STX7: variants seen among roughly 807,000 people sequenced by gnomAD.
STX7 encodes the protein syntaxin-7.
In STX7, 34 loss-of-function variants were observed where a neutral mutation model predicts 39.6. The observed-to-expected ratio is 0.86, with a 90% CI of 0.65 to 1.14. The LOEUF is 1.14. Among genes scored for constraint, STX7 ranks in the 50% most tolerant of loss-of-function variants. STX7 has a pLI of 0.00. For missense variants in STX7, 284 were observed against 310.4 expected (o/e 0.92, Z 0.64); for synonymous variants, 119 against 99.1 (o/e 1.20, Z -1.19).
intron 2 of STX7, among the ~76,000 whole-genome samples, chr6:132,488,936 T>A (rs942746942): frequency 6.6e-6 from 1 of 152,166 alleles, no homozygotes; most frequent in Non-Finnish European, 1.5e-5. Flanking sequence ...GCGCAGTGGC[T>A]CGTGCCTGTA....
At chr6:132,469,240 T>C (rs1365064777) in intron 7 of STX7, among the ~76,000 whole-genome samples, 2 of 152,128 alleles carry the variant, frequency 1.3e-5, no homozygotes, top group African/African-American at 2.4e-5. Flanking sequence ...ATAAACATAG[T>C]AAAGAGAAAT....
Position 132,470,573 on chromosome 6 carries a change from C to A in STX7, c.440+1G>T, listed in dbSNP as rs1469931483. 1 of 1,602,600 alleles carries A rather than the reference C, an allele frequency of 6.2e-7. No homozygotes were observed. Among genetic ancestry groups the A allele is most frequent in the South Asian group, 1.1e-5 (1 of 89,734 alleles). The stretch of plus-strand genomic sequence containing the variant: ...TCTGTAAAATGTTTTGTATTTCTTA[C>A]CTTTCCCAGGATACAAGATTCCTTT... On this transcript the variant is annotated splice_donor_variant, in intron 6 of 9. Transcript: ENST00000367941. LOFTEE classifies it high-confidence loss of function.
At chr6:132,468,327 T>C in intron 8 of STX7, 76 bp downstream of exon 8, 1 of 1,162,338 alleles carries the variant, frequency 8.6e-7, no homozygotes, top group African/African-American at 1.5e-5. Context: ...GTGGTTACTC[T>C]TCTGTGAGAA....
chr6:132,493,748 G>A (rs143676051), intron 2 of STX7, among the ~76,000 whole-genome samples: 1 of 152,238 alleles, frequency 6.6e-6, no homozygotes, highest in African/African-American at 2.4e-5. Flanking sequence ...AACAAAAAGG[G>A]ATCAAAGAGA....
rs368174580 is a variant in STX7, at chr6:132,462,055, T to C, written c.694-1205A>G. On this transcript the variant is annotated intron_variant, in intron 9 of 9. Coordinates refer to ENST00000367941, the MANE Select transcript of STX7 (RefSeq NM_003569.3). Reference sequence around the variant, plus strand: ...CAATTTCTCTAAAATTTCAATACCATGCATAAATATTTTTCCCAGACTCCA... The same window carrying C: ...CAATTTCTCTAAAATTTCAATACCACGCATAAATATTTTTCCCAGACTCCA... Among the ~76,000 whole-genome samples, 11 of 152,324 alleles carry C rather than the reference T, an allele frequency of 7.2e-5. No homozygotes were observed. The East Asian group carries it at 2.1e-3, about 29-fold the overall frequency.
intron 2 of STX7, among the ~76,000 whole-genome samples, chr6:132,495,031 G>A (rs762516126): frequency 4.6e-5 from 7 of 152,158 alleles, no homozygotes; most frequent in Non-Finnish European, 8.8e-5. Context: ...AACAGAGGGA[G>A]TGAAGACACC....
chr6:132,507,356 T>TAC (rs1197273328), intron 1 of STX7, among the ~76,000 whole-genome samples: 5 of 152,240 alleles, frequency 3.3e-5, no homozygotes, highest in Non-Finnish European at 7.3e-5. Flanking sequence ...CTACTTGAAG[T>TAC]ACACAAGCCA....
intron 2 of STX7, among the ~76,000 whole-genome samples, chr6:132,483,368 T>C (rs975953134): frequency 5.3e-5 from 8 of 152,216 alleles, no homozygotes; most frequent in Admixed American, 1.3e-4. Context: ...TGTTCCATGG[T>C]TAGTTGAATC....
At chr6:132,509,053 T>C (rs1363849386) in intron 1 of STX7, among the ~76,000 whole-genome samples, 1 of 152,194 alleles carries the variant, frequency 6.6e-6, no homozygotes, top group Non-Finnish European at 1.5e-5. Context: ...TCATTATCAT[T>C]ATAAGCAAAG....
rs567876289 is a variant in STX7, at chr6:132,452,419, G to T, written c.*8339C>A. 6.6e-6 allele frequency: 1 copy of T among 151,320 alleles called. No homozygotes were observed. Among genetic ancestry groups the T allele is most frequent in the African/African-American group, 2.4e-5 (1 of 41,046 alleles). The allele number at this position is 151,320 out of a possible 1,614,324, so 9.4% of individuals were successfully genotyped here. ...TGAAAGGAAAAAAAAAAGGAATATA[G>T]GTCAGAAATGAAGAGATAAAACTAT... On this transcript the variant is annotated 3_prime_UTR_variant, in exon 10 of 10. Transcript: ENST00000367941.
At chr6:132,493,485 T>C (rs778022425) in intron 2 of STX7, among the ~76,000 whole-genome samples, 4 of 152,120 alleles carry the variant, frequency 2.6e-5, no homozygotes, top group Non-Finnish European at 4.4e-5. Flanking sequence ...ATAAGTCTCA[T>C]GAGATCTGAT....
intron 7 of STX7, among the ~76,000 whole-genome samples, chr6:132,469,193 C>T (rs1179483293): frequency 1.3e-5 from 2 of 152,128 alleles, no homozygotes; most frequent in African/African-American, 2.4e-5. Flanking sequence ...TCCATAAGAA[C>T]TATGACTTAA....
At chr6:132,472,259 C>T (rs761721579) in intron 4 of STX7, 23 bp downstream of exon 4, 7 of 1,583,506 alleles carry the variant, frequency 4.4e-6, no homozygotes, top group South Asian at 2.3e-5. Flanking sequence ...AATACATCAA[C>T]AATGTGTCTT....
At chr6:132,464,661 T>C (rs2114358094) in intron 8 of STX7, among the ~76,000 whole-genome samples, 1 of 152,346 alleles carries the variant, frequency 6.6e-6, no homozygotes, top group East Asian at 1.9e-4. Context: ...GAATGTAATT[T>C]AAGTTACTGG....
rs1774005079 is a variant in STX7 at position 132,446,057 on chromosome 6, C to T, written c.*14701G>A. ...AAGGTATTAAAGATGAAAGCTAGTA[C>T]CCTTACAACTATTTATATTGCAAAA... On this transcript the variant is annotated 3_prime_UTR_variant, in exon 10 of 10. Coordinates refer to ENST00000367941, the MANE Select transcript of STX7 (RefSeq NM_003569.3). The T allele has an allele frequency of 6.6e-6, 1 of 152,150 alleles. No individual in the cohort carries two copies. The highest frequency in any genetic ancestry group is 2.4e-5 in the African/African-American group (1 of 41,446). 9.4% of individuals were successfully genotyped at this position (152,150 alleles called of 1,614,324 possible).
rs1171192816 is a variant in STX7, at chr6:132,446,583, CATTT to C, written c.*14171_*14174del. ...GATTTTGCTTTTTCTCAGGGCCCAGCATTTATTAAGCACTCAGCAAATGCTTACT... is the reference window on the plus strand; with the variant it reads ...GATTTTGCTTTTTCTCAGGGCCCAGCATTAAGCACTCAGCAAATGCTTACT... On this transcript the variant is annotated 3_prime_UTR_variant, in exon 10 of 10. Coordinates refer to ENST00000367941, the MANE Select transcript of STX7 (RefSeq NM_003569.3). 1 of 152,158 alleles carries C rather than the reference CATTT, an allele frequency of 6.6e-6. No homozygotes were observed. The highest frequency in any genetic ancestry group is 1.5e-5 in the Non-Finnish European group (1 of 68,020). 9.4% of individuals were successfully genotyped at this position (152,158 alleles called of 1,614,324 possible). A position where few individuals can be genotyped will look rare whatever the true frequency, so the allele number is the denominator to read the frequency against.
At chr6:132,467,627 A>G (rs1347216943) in intron 8 of STX7, among the ~76,000 whole-genome samples, 1 of 152,196 alleles carries the variant, frequency 6.6e-6, no homozygotes, top group African/African-American at 2.4e-5. Flanking sequence ...TGATGAATAA[A>G]TTGGTTTTTG....
At chr6:132,489,227 G>GAAAAA (rs1775218386) in intron 2 of STX7, among the ~76,000 whole-genome samples, 1 of 82,544 alleles carries the variant, frequency 1.2e-5, no homozygotes, top group African/African-American at 6.1e-5. Flanking sequence ...AAAAAAAAAG[G>GAAAAA]ATGATATATA....
intron 1 of STX7, among the ~76,000 whole-genome samples, chr6:132,505,073 A>T (rs1291307074): frequency 6.6e-6 from 1 of 152,018 alleles, no homozygotes; most frequent in East Asian, 1.9e-4. Flanking sequence ...CATCTGCGAC[A>T]CAAAAAGTAT....
Sources: gnomAD v4.1 joint callset for allele counts (sites outside exome capture counted in the v4.1 genomes callset) on GRCh38, gnomAD v4.1.1 for gene constraint, MANE v1.5 for transcripts, NCBI Gene and HGNC (gene_info 2026-07-23, HGNC 2026-07-21) for gene names.